RGS6: variants seen among roughly 807,000 people sequenced by gnomAD.
The protein encoded by RGS6 is regulator of G protein signaling 6.
Under a neutral mutation model 78.5 loss-of-function variants are expected in RGS6, and 30 were observed. The observed-to-expected ratio is 0.38, with a 90% CI of 0.29 to 0.52. The LOEUF (loss-of-function observed/expected upper bound fraction) is 0.52, where lower values mean the gene tolerates loss of function less well. RGS6 is among the 20% of genes least tolerant of loss of function. The probability of loss-of-function intolerance (pLI) is 0.85; values close to 1 mark genes in which losing one functional copy is unlikely to be tolerated. For synonymous variants in RGS6, 206 were observed against 206.0 expected, an observed-to-expected ratio of 1.00 and a Z score of 0.00; for missense variants, 495 against 609.7, an observed-to-expected ratio of 0.81 and a Z score of 1.98.
At chr14:72,326,906 A>G (rs941139107) in intron 2 of RGS6, among the ~76,000 whole-genome samples, 2 of 152,062 alleles carry the variant, frequency 1.3e-5, no homozygotes, top group South Asian at 2.1e-4. Context: ...ATGGGGTTTC[A>G]CTGTGTTAGC....
intron 2 of RGS6, among the ~76,000 whole-genome samples, chr14:72,171,343 G>A (rs374689349): frequency 1.4e-4 from 21 of 152,184 alleles, no homozygotes; most frequent in African/African-American, 4.3e-4. Flanking sequence ...TTTATTTGCT[G>A]CAAAAATTCA....
At chr14:72,135,958 A>G (rs765800058) in intron 2 of RGS6, among the ~76,000 whole-genome samples, 7 of 152,196 alleles carry the variant, frequency 4.6e-5, no homozygotes, top group African/African-American at 7.2e-5. Flanking sequence ...CATGATCTCA[A>G]TTTTCTTCTT....
At chr14:72,059,880 T>C (rs902435717) in intron 2 of RGS6, among the ~76,000 whole-genome samples, 9 of 152,184 alleles carry the variant, frequency 5.9e-5, no homozygotes, top group Admixed American at 3.9e-4. Context: ...TCTTGGACTT[T>C]CCAGGCTTGA....
At chr14:71,929,653 C>G (rs1052432862), upstream of RGS6, among the ~76,000 whole-genome samples, 2 of 152,148 alleles carry the variant, frequency 1.3e-5, no homozygotes, top group African/African-American at 2.4e-5. Flanking sequence ...CCTCATCAAA[C>G]TTTTACCCAC....
rs367656579 is a variant in RGS6, at chr14:72,458,421, A to C, written c.342+44A>C. 6.9e-5 allele frequency: 96 copies of C among 1,390,914 alleles called. No homozygotes were observed. In the African/African-American group the frequency reaches 1.3e-3, roughly 19 times the overall value. 86.2% of individuals were successfully genotyped at this position (1,390,914 alleles called of 1,614,324 possible). ...CCTCCTGAAGAACCTTTTCTTCACA[A>C]CATCATCTGATCTTAGGTTAGAACT... On this transcript the variant is annotated intron_variant, in intron 5 of 17. Coordinates refer to ENST00000553525, the MANE Select transcript of RGS6 (RefSeq NM_001204424.2).
intron 17 of RGS6, among the ~76,000 whole-genome samples, chr14:72,543,977 C>G (rs1314740599): frequency 1.3e-5 from 2 of 152,158 alleles, no homozygotes; most frequent in Non-Finnish European, 2.9e-5. Flanking sequence ...CTCAAGTGAT[C>G]CACCTGCCTC....
At chr14:72,389,222 C>G (rs530234227) in intron 3 of RGS6, among the ~76,000 whole-genome samples, 34 of 152,232 alleles carry the variant, frequency 2.2e-4, no homozygotes, top group African/African-American at 7.7e-4. Flanking sequence ...GTCCCTGTCC[C>G]GGATGTTCCA....
At chr14:72,038,255 C>T (rs1189498628) in intron 2 of RGS6, among the ~76,000 whole-genome samples, 1 of 152,154 alleles carries the variant, frequency 6.6e-6, no homozygotes, top group African/African-American at 2.4e-5. Flanking sequence ...CAGGTCTGAG[C>T]CACTCCCGGC....
intron 2 of RGS6, among the ~76,000 whole-genome samples, chr14:72,250,399 G>GAAAA (rs58591258): frequency 0.055 from 6,281 of 114,196 alleles, 501 homozygotes; most frequent in African/African-American, 0.14. Context: ...TAAATACACC[G>GAAAA]AAAAAAAAAA....
At chr14:71,922,304 T>C in the RGS6 span, among the ~76,000 whole-genome samples, 72,933 of 152,070 alleles carry the variant, frequency 0.48, 18,258 homozygotes, top group Admixed American at 0.55. Flanking sequence ...TCATTACTTT[T>C]TCCTCTATCA....
intron 2 of RGS6, among the ~76,000 whole-genome samples, chr14:72,235,370 C>A (rs2050747123): frequency 6.6e-6 from 1 of 152,126 alleles, no homozygotes; most frequent in Non-Finnish European, 1.5e-5. Flanking sequence ...AAAGAACCAG[C>A]CTGGGACAGT....
chr14:72,276,263 C>T (rs1438000050), intron 2 of RGS6, among the ~76,000 whole-genome samples: 1 of 152,022 alleles, frequency 6.6e-6, no homozygotes, highest in Non-Finnish European at 1.5e-5. Flanking sequence ...TCCAAGCAGC[C>T]AACTTTTTAA....
At chr14:71,988,400 G>A (rs117006740) in intron 2 of RGS6, among the ~76,000 whole-genome samples, 2,671 of 152,222 alleles carry the variant, frequency 0.018, 39 homozygotes, top group Middle Eastern at 0.027. Context: ...GATCCCTTGA[G>A]CCTCAGGATG....
intron 13 of RGS6, among the ~76,000 whole-genome samples, chr14:72,503,157 G>A (rs1318952290): frequency 6.6e-6 from 1 of 151,994 alleles, no homozygotes; most frequent in Admixed American, 6.6e-5. Context: ...AGAGCTCTGG[G>A]GTGTCCTTTT....
At chr14:71,966,409 A>G (rs2093516134) in intron 2 of RGS6, among the ~76,000 whole-genome samples, 1 of 152,246 alleles carries the variant, frequency 6.6e-6, no homozygotes, top group Admixed American at 6.5e-5. Flanking sequence ...TGCGATAAAG[A>G]AAAAAATAGG....
At chr14:72,031,116 CAGG>C (rs987373166) in intron 2 of RGS6, among the ~76,000 whole-genome samples, 1 of 151,574 alleles carries the variant, frequency 6.6e-6, no homozygotes, top group Admixed American at 6.6e-5. Flanking sequence ...CAGTTTTTTT[CAGG>C]AGATCATGTT....
At chr14:72,317,975 T>G (rs942947453) in intron 2 of RGS6, among the ~76,000 whole-genome samples, 1 of 152,186 alleles carries the variant, frequency 6.6e-6, no homozygotes, top group Non-Finnish European at 1.5e-5. Context: ...TTATTTACAA[T>G]AGTTTTTGCT....
intron 2 of RGS6, among the ~76,000 whole-genome samples, chr14:72,325,264 G>C (rs1397985800): frequency 6.6e-6 from 1 of 152,170 alleles, no homozygotes; most frequent in East Asian, 1.9e-4. Context: ...CCCTTTGTCA[G>C]ATGGGTACAT....
At chr14:72,491,155 TGCTGACACACAA>T (rs1199856310) in intron 12 of RGS6, among the ~76,000 whole-genome samples, 2 of 152,222 alleles carry the variant, frequency 1.3e-5, no homozygotes, top group East Asian at 3.8e-4. Context: ...TGGGAGAAGA[TGCTGACACACAA>T]GCTGGCAATG....
Sources: gnomAD v4.1 joint callset for allele counts (sites outside exome capture counted in the v4.1 genomes callset) on GRCh38, gnomAD v4.1.1 for gene constraint, MANE v1.5 for transcripts, NCBI Gene and HGNC (gene_info 2026-07-23, HGNC 2026-07-21) for gene names.